The following ACYP2 variants were observed in gnomAD, a reference collection of about 807,000 sequenced individuals.
ACYP2 encodes the protein acylphosphatase-2.
Under a neutral mutation model 11.2 loss-of-function variants are expected in ACYP2, and 12 were observed. The observed-to-expected ratio is 1.08, with a 90% CI of 0.69 to 1.74. The LOEUF (loss-of-function observed/expected upper bound fraction) is 1.74, where lower values mean the gene tolerates loss of function less well. ACYP2 is among the 40% of genes most tolerant of loss of function. ACYP2 has a pLI of 0.00. For missense variants in ACYP2, 134 were observed against 101.9 expected (o/e 1.31, Z -1.35); for synonymous variants, 43 against 32.2 (o/e 1.33, Z -1.13).
At chr2:54,106,910 T>C (rs1244553269) in intron 4 of ACYP2, among the ~76,000 whole-genome samples, 1 of 152,156 alleles carries the variant, frequency 6.6e-6, no homozygotes. Flanking sequence ...ATAACATCCA[T>C]ATCTAATTGT....
chr2:54,062,108 T>C (rs368614749), intron 4 of ACYP2, among the ~76,000 whole-genome samples: 38 of 152,170 alleles, frequency 2.5e-4, no homozygotes, highest in African/African-American at 8.9e-4. Context: ...AAAGGGGGCA[T>C]TGGGTCTCAT....
At chr2:54,083,596 A>T (rs1178488550) in intron 4 of ACYP2, among the ~76,000 whole-genome samples, 2 of 140,084 alleles carry the variant, frequency 1.4e-5, no homozygotes, top group South Asian at 5.6e-4. Flanking sequence ...GAGGATTAAA[A>T]GAACCAAACA....
At chr2:54,202,405 C>CTTTTTTTTTTTT (rs61634500) in intron 6 of ACYP2, among the ~76,000 whole-genome samples, 3 of 116,372 alleles carry the variant, frequency 2.6e-5, no homozygotes, top group African/African-American at 7.1e-5. Flanking sequence ...CTGTGCCTGG[C>CTTTTTTTTTTTT]TTTTTTTTTT....
chr2:54,074,806 TGC>T (rs1677242275), intron 4 of ACYP2, among the ~76,000 whole-genome samples: 1 of 152,202 alleles, frequency 6.6e-6, no homozygotes, highest in Non-Finnish European at 1.5e-5. Context: ...GTCTAAAGGC[TGC>T]AGAATTTACT....
intron 4 of ACYP2, among the ~76,000 whole-genome samples, chr2:54,075,490 T>G (rs1677281690): frequency 7.1e-6 from 1 of 140,860 alleles, no homozygotes. Flanking sequence ...AGAGTGAGAT[T>G]CTGTCTCAAA....
intron 6 of ACYP2, among the ~76,000 whole-genome samples, chr2:54,158,269 T>C (rs905151753): frequency 1.3e-5 from 2 of 151,494 alleles, no homozygotes; most frequent in Admixed American, 1.3e-4. Flanking sequence ...CACGAATTCC[T>C]GACCTCGGGT....
intron 2 of ACYP2, among the ~76,000 whole-genome samples, chr2:53,979,697 TTTTTTG>T (rs919652296): frequency 3.9e-5 from 6 of 151,998 alleles, no homozygotes; most frequent in Admixed American, 3.3e-4. Context: ...GTGTGTGTGT[TTTTTTG>T]TTTTTGTTTT....
chr2:54,287,394 A>C (rs1689122784), intron 6 of ACYP2, among the ~76,000 whole-genome samples: 2 of 151,992 alleles, frequency 1.3e-5, no homozygotes, highest in African/African-American at 4.9e-5. Context: ...CACACTGGCA[A>C]TTAAATTTTA....
At chr2:54,094,655 A>G (rs1011905526) in intron 4 of ACYP2, among the ~76,000 whole-genome samples, 5 of 151,830 alleles carry the variant, frequency 3.3e-5, no homozygotes, top group Non-Finnish European at 7.4e-5. Flanking sequence ...CTCCCACCTC[A>G]GCCTCCCAAG....
At chr2:54,136,860 G>A (rs1332142811) in intron 5 of ACYP2, among the ~76,000 whole-genome samples, 2 of 151,910 alleles carry the variant, frequency 1.3e-5, no homozygotes, top group Non-Finnish European at 2.9e-5. Context: ...CCTGTAATCC[G>A]AGCTACTTGG....
At chr2:54,078,489 A>C (rs1677468292) in intron 4 of ACYP2, among the ~76,000 whole-genome samples, 1 of 151,360 alleles carries the variant, frequency 6.6e-6, no homozygotes, top group South Asian at 2.1e-4. Context: ...ATTGGAAGCT[A>C]TCCTTGTACC....
intron 4 of ACYP2, among the ~76,000 whole-genome samples, chr2:54,079,495 C>T (rs998343380): frequency 2.6e-5 from 4 of 152,190 alleles, no homozygotes; most frequent in Admixed American, 2.6e-4. Flanking sequence ...GGATGGCACA[C>T]AGTACAGATG....
At chr2:54,071,742 G>T (rs1677056647) in intron 4 of ACYP2, among the ~76,000 whole-genome samples, 1 of 152,150 alleles carries the variant, frequency 6.6e-6, no homozygotes, top group Non-Finnish European at 1.5e-5. Context: ...CGGGTGTGGT[G>T]GCTCATGCCT....
rs1393087216 is a variant in ACYP2 at position 54,094,333 on chromosome 2, TTCTCCTGCCTC to T, written c.277+36974_277+36984del. Among the ~76,000 whole-genome samples, 4 of 151,328 alleles carry T rather than the reference TTCTCCTGCCTC, an allele frequency of 2.6e-5. No individual in the cohort carries two copies. In the East Asian group the frequency reaches 5.8e-4, roughly 22 times the overall value. On this transcript the variant is annotated intron_variant, in intron 4 of 6. Coordinates refer to ENST00000607452, the MANE Select transcript of ACYP2 (RefSeq NM_001320586.2). ...AACTTCGCCTCCCAGGTTCAAGCAATTCTCCTGCCTCAGCCTACCAAATAGCTTGGATTAGA... is the reference window on the plus strand; with the variant it reads ...AACTTCGCCTCCCAGGTTCAAGCAATAGCCTACCAAATAGCTTGGATTAGA...
chr2:54,209,004 C>G (rs1021891576), intron 6 of ACYP2, among the ~76,000 whole-genome samples: 35 of 144,938 alleles, frequency 2.4e-4, no homozygotes, highest in Admixed American at 1.1e-3. Flanking sequence ...TTTTGGCAAG[C>G]TCCACTTTTA....
At chr2:54,135,515 T>C in intron 5 of ACYP2, 46 bp downstream of exon 2, 3 of 1,558,260 alleles carry the variant, frequency 1.9e-6, no homozygotes, top group Non-Finnish European at 2.6e-6. Flanking sequence ...TTTTCCACTG[T>C]TATTCCCAAT....
At chr2:54,221,883 T>A (rs2103951342) in intron 6 of ACYP2, among the ~76,000 whole-genome samples, 1 of 152,270 alleles carries the variant, frequency 6.6e-6, no homozygotes, top group Admixed American at 6.5e-5. Context: ...TTATTAGTTT[T>A]AAAATAAACC....
intron 2 of ACYP2, among the ~76,000 whole-genome samples, chr2:53,993,894 T>C (rs373217144): frequency 1.3e-5 from 2 of 151,666 alleles, no homozygotes; most frequent in Non-Finnish European, 2.9e-5. Context: ...ATGTATAATA[T>C]AGGAAACTGG....
At chr2:54,185,295 A>G (rs959112993) in intron 6 of ACYP2, among the ~76,000 whole-genome samples, 5 of 152,212 alleles carry the variant, frequency 3.3e-5, no homozygotes, top group Admixed American at 3.3e-4. Context: ...TGAGGATGCA[A>G]TGATCCAGGC....
Sources: allele counts gnomAD v4.1 joint callset (sites outside exome capture counted in the v4.1 genomes callset), GRCh38; gene constraint gnomAD v4.1.1; transcripts MANE v1.5; gene names NCBI Gene and HGNC (gene_info 2026-07-23, HGNC 2026-07-21).